Variants in FLT3 observed in about 807,000 individuals in gnomAD.
The protein encoded by FLT3 is fms related receptor tyrosine kinase 3, also known as receptor-type tyrosine-protein kinase FLT3.
In FLT3, 46 loss-of-function variants were observed where a neutral mutation model predicts 126.6. The observed-to-expected ratio is 0.36, with a 90% CI of 0.29 to 0.46. FLT3 has a LOEUF of 0.46. Among genes scored for constraint, FLT3 ranks in the 20% least tolerant of loss-of-function variants. FLT3 has a pLI of 1.00. For synonymous variants in FLT3, 404 were observed against 434.4 expected, an observed-to-expected ratio of 0.93 and a Z score of 0.87; for missense variants, 1,069 against 1,190.3, an observed-to-expected ratio of 0.90 and a Z score of 1.50.
chr13:28,069,231 G>A (rs532462110), intron 2 of FLT3, among the ~76,000 whole-genome samples: 103 of 152,264 alleles, frequency 6.8e-4, no homozygotes, highest in Middle Eastern at 3.4e-3. Context: ...GGGAGTTAAC[G>A]AGGGCTTGAC....
chr13:28,037,962 C>A (rs1464275579), intron 9 of FLT3, among the ~76,000 whole-genome samples: 1 of 152,160 alleles, frequency 6.6e-6, no homozygotes, highest in South Asian at 2.1e-4. Flanking sequence ...ATCCCCCTAC[C>A]CCCAATCTAT....
intron 9 of FLT3, among the ~76,000 whole-genome samples, chr13:28,045,688 C>T (rs1456831036): frequency 2.0e-5 from 3 of 151,920 alleles, no homozygotes; most frequent in African/African-American, 4.8e-5. Flanking sequence ...GAAGAAACCC[C>T]GTCTCTATTA....
At chr13:28,087,996 G>A (rs9581988) in intron 1 of FLT3, among the ~76,000 whole-genome samples, 25,554 of 151,966 alleles carry the variant, frequency 0.17, 2,360 homozygotes, top group Middle Eastern at 0.27. Flanking sequence ...GTCCCTTTTG[G>A]GTGACTGATT....
intron 15 of FLT3, among the ~76,000 whole-genome samples, chr13:28,031,085 G>T (rs552725072): frequency 6.6e-6 from 1 of 151,918 alleles, no homozygotes; most frequent in Non-Finnish European, 1.5e-5. Flanking sequence ...AAATTTAGCC[G>T]GGCGTGGTGG....
chr13:28,091,207 CTTTTTTTTTTTTTTTTTTT>C lies in FLT3; in HGVS notation c.43+9242_43+9260del, dbSNP rs572410744. On this transcript the variant is annotated intron_variant, in intron 1 of 23. Transcript: ENST00000241453. The stretch of plus-strand genomic sequence containing the variant: ...ATTTATCCTCTTTGGGCCCCATTTT[CTTTTTTTTTTTTTTTTTTT>C]TTTTTTTTTTTTTGAGACGGAGTCT... Among the ~76,000 whole-genome samples the C allele has an allele frequency of 6.8e-3, 250 of 36,608 alleles. 6 individuals carry two copies. Among genetic ancestry groups the C allele is most frequent in the African/African-American group, 0.025 (223 of 8,842 alleles). 24.0% of individuals were successfully genotyped at this position (36,608 alleles called of 152,430 possible).
At chr13:28,072,489 G>C (rs7988090) in intron 1 of FLT3, among the ~76,000 whole-genome samples, 6 of 151,792 alleles carry the variant, frequency 4.0e-5, no homozygotes, top group African/African-American at 1.5e-4. Flanking sequence ...CTCTGTCTCC[G>C]GGGTTTGAGT....
intron 1 of FLT3, among the ~76,000 whole-genome samples, chr13:28,092,548 G>C (rs1879182714): frequency 6.6e-6 from 1 of 151,818 alleles, no homozygotes; most frequent in South Asian, 2.1e-4. Context: ...TTGACTACTT[G>C]ATAATTCTCA....
At chr13:28,055,293 T>C (rs192597916) in intron 4 of FLT3, among the ~76,000 whole-genome samples, 3 of 152,238 alleles carry the variant, frequency 2.0e-5, no homozygotes, top group African/African-American at 7.2e-5. Context: ...ATCAATCTTA[T>C]CGTCTCCTCA....
In FLT3 at chr13:28,084,954, G is replaced by A. The variant is rs370527741; in HGVS notation, c.44-14342C>T. Among the ~76,000 whole-genome samples the A allele has an allele frequency of 6.7e-4, 93 of 138,906 alleles. 2 individuals carry two copies. In the East Asian group the frequency reaches 0.017, roughly 26 times the overall value. 91.1% of individuals were successfully genotyped at this position (138,906 alleles called of 152,430 possible). A position where few individuals can be genotyped will look rare whatever the true frequency, so the allele number is the denominator to read the frequency against. ...CGCACCACTGCACTCCAGCCTGGGC[G>A]ACAGAGCGAGCCTTCCTCTAAAAAA... On this transcript the variant is annotated intron_variant, in intron 1 of 23. Coordinates refer to ENST00000241453, the MANE Select transcript of FLT3 (RefSeq NM_004119.3).
chr13:28,083,440 A>G (rs1010889182), intron 1 of FLT3, among the ~76,000 whole-genome samples: 48 of 152,322 alleles, frequency 3.2e-4, no homozygotes, highest in African/African-American at 1.0e-3. Flanking sequence ...CATGGAAGTT[A>G]TTGATCTATA....
At chr13:28,022,925 G>GC (rs1419077981) in intron 19 of FLT3, among the ~76,000 whole-genome samples, 2 of 152,248 alleles carry the variant, frequency 1.3e-5, no homozygotes, top group African/African-American at 4.8e-5. Flanking sequence ...AGCACGCAGG[G>GC]TGAGAATTAG....
At chr13:28,035,256 C>T (rs899057691) in intron 12 of FLT3, among the ~76,000 whole-genome samples, 4 of 152,196 alleles carry the variant, frequency 2.6e-5, no homozygotes, top group African/African-American at 7.2e-5. Context: ...AGATTCACCA[C>T]ACTGGGAGTT....
chr13:28,050,494 T>C (rs1875340998), intron 5 of FLT3, among the ~76,000 whole-genome samples: 1 of 152,170 alleles, frequency 6.6e-6, no homozygotes, highest in East Asian at 1.9e-4. Flanking sequence ...TCTTTGTTGC[T>C]GTTGTTTAAA....
intron 5 of FLT3, among the ~76,000 whole-genome samples, chr13:28,050,453 A>G (rs985784905): frequency 2.6e-5 from 4 of 152,218 alleles, no homozygotes; most frequent in African/African-American, 9.6e-5. Context: ...TACATAACAA[A>G]ACAGTTTAAA....
chr13:28,088,619 A>C (rs1203373543), intron 1 of FLT3, among the ~76,000 whole-genome samples: 2 of 118,584 alleles, frequency 1.7e-5, no homozygotes, highest in Admixed American at 1.1e-4. Flanking sequence ...AGAGTCTCAC[A>C]CTGTCACCTG....
Position 28,033,920 on chromosome 13 carries a change from C to G in FLT3, c.1909G>C (p.Val637Leu), listed in dbSNP as rs746926889. 5.0e-6 allele frequency: 8 copies of G among 1,614,160 alleles called. No homozygotes were observed. Among genetic ancestry groups the G allele is most frequent in the Non-Finnish European group, 5.1e-6 (6 of 1,180,012 alleles). ...ATAYGISKTGVSIQVAVKMLK... is the reference protein window; with the variant it reads ...ATAYGISKTGLSIQVAVKMLK... ...ATTTTGACGGCAACCTGGATTGAGA[C>G]TCCTGTTTTGCTAATTCCATAAGCT... The change falls in exon 15 of 24, where the codon GTC becomes CTC. Residue 637 changes from valine to leucine, a missense_variant. By Grantham distance (32) the Val-to-Leu change is conservative. Coordinates refer to ENST00000241453, the MANE Select transcript of FLT3 (RefSeq NM_004119.3).
intron 12 of FLT3, among the ~76,000 whole-genome samples, chr13:28,034,783 C>T (rs902912121): frequency 3.9e-5 from 6 of 152,076 alleles, no homozygotes; most frequent in South Asian, 2.1e-4. Context: ...AGTGAAATCC[C>T]GTCTCTAAAA....
At chr13:28,071,170 C>CA (rs569089276) in intron 1 of FLT3, among the ~76,000 whole-genome samples, 1 of 143,062 alleles carries the variant, frequency 7.0e-6, no homozygotes, top group Non-Finnish European at 1.5e-5. Context: ...AATTTTCTTT[C>CA]TTTTTTTTTT....
intron 19 of FLT3, among the ~76,000 whole-genome samples, chr13:28,021,462 G>A (rs891509470): frequency 1.8e-4 from 27 of 152,286 alleles, no homozygotes; most frequent in Middle Eastern, 3.4e-3. Context: ...ACTCAGGTGG[G>A]CAAGATGCGC....
Sources: gnomAD v4.1 joint callset for allele counts (sites outside exome capture counted in the v4.1 genomes callset) on GRCh38, gnomAD v4.1.1 for gene constraint, MANE v1.5 for transcripts, NCBI Gene and HGNC (gene_info 2026-07-23, HGNC 2026-07-21) for gene names.